Variants in NCAM2 observed in about 807,000 individuals in gnomAD.
The protein encoded by NCAM2 is N-CAM-2.
In NCAM2, 30 loss-of-function variants were observed where a neutral mutation model predicts 98.1. That is an observed-to-expected ratio of 0.31 (90% CI 0.23 to 0.41). The LOEUF (loss-of-function observed/expected upper bound fraction) is 0.41. Among genes scored for constraint, NCAM2 ranks in the 10% least tolerant of loss-of-function variants. The probability of loss-of-function intolerance (pLI) is 1.00; values close to 1 mark genes in which losing one functional copy is unlikely to be tolerated. For missense variants in NCAM2, 867 were observed against 1,005.8 expected (o/e 0.86, Z 1.87); for synonymous variants, 368 against 342.4 (o/e 1.07, Z -0.83).
intron 1 of NCAM2, among the ~76,000 whole-genome samples, chr21:21,269,035 T>C (rs1362944074): frequency 6.6e-6 from 1 of 152,190 alleles, no homozygotes; most frequent in Non-Finnish European, 1.5e-5. Flanking sequence ...GATTCTGAGA[T>C]GCCTGAAATA....
chr21:21,292,323 A>C (rs1461539125), intron 5 of NCAM2, 82 bp downstream of exon 5: 5 of 1,368,162 alleles, frequency 3.7e-6, no homozygotes, highest in Non-Finnish European at 5.0e-6. Context: ...GTGAACTCAA[A>C]ATACAAGTCT....
At chr21:21,463,375 G>C (rs1379587320) in intron 12 of NCAM2, among the ~76,000 whole-genome samples, 1 of 152,042 alleles carries the variant, frequency 6.6e-6, no homozygotes, top group Non-Finnish European at 1.5e-5. Context: ...CTCATAATAA[G>C]AGTTATTGTA....
chr21:21,392,086 A>T (rs1196442969), intron 9 of NCAM2, among the ~76,000 whole-genome samples: 1 of 152,010 alleles, frequency 6.6e-6, no homozygotes, highest in Non-Finnish European at 1.5e-5. Context: ...ATTTTTCCTG[A>T]TCCTCTCCAC....
chr21:21,184,682 T>G (rs1198769309), intron 1 of NCAM2, among the ~76,000 whole-genome samples: 10 of 152,266 alleles, frequency 6.6e-5, no homozygotes. Context: ...TAACAGTGTC[T>G]CTATGTCACA....
chr21:21,081,818 A>T (rs1490218744), intron 1 of NCAM2, among the ~76,000 whole-genome samples: 1 of 151,462 alleles, frequency 6.6e-6, no homozygotes, highest in East Asian at 1.9e-4. Context: ...AAGAAAAAAA[A>T]AGAAAAAAAA....
chr21:21,423,196 A>G (rs1284607884), intron 11 of NCAM2, among the ~76,000 whole-genome samples: 1 of 152,032 alleles, frequency 6.6e-6, no homozygotes, highest in Admixed American at 6.6e-5. Flanking sequence ...CTCTTGGGCA[A>G]TTTTATGGGA....
At chr21:21,415,525 CAG>C (rs2076976220) in intron 10 of NCAM2, among the ~76,000 whole-genome samples, 3 of 151,616 alleles carry the variant, frequency 2.0e-5, no homozygotes, top group Admixed American at 2.0e-4. Flanking sequence ...TTAGTAGAGA[CAG>C]GGTTTCACCG....
intron 5 of NCAM2, among the ~76,000 whole-genome samples, chr21:21,302,531 T>C (rs1412444942): frequency 6.6e-6 from 1 of 152,094 alleles, no homozygotes; most frequent in African/African-American, 2.4e-5. Context: ...ATCAGATAGA[T>C]GCAAATCAAA....
intron 12 of NCAM2, among the ~76,000 whole-genome samples, chr21:21,452,961 ATATTATATAT>A (rs1216152907): frequency 0.01 from 416 of 39,816 alleles, 6 homozygotes; most frequent in African/African-American, 0.031. Flanking sequence ...TATATATTAT[ATATTATATAT>A]TATTATATAT....
intron 15 of NCAM2, among the ~76,000 whole-genome samples, chr21:21,505,323 A>C (rs1987915316): frequency 6.6e-6 from 1 of 152,098 alleles, no homozygotes; most frequent in Admixed American, 6.6e-5. Context: ...GTGATCACAC[A>C]GTGAGAAGGA....
At position 21,066,475 on chromosome 21, in the gene NCAM2, T is replaced by C. The variant is rs1327636208; in HGVS notation, c.55+67857T>C. ...CATTTAATTCAAACCGTAATTGTTTTACTGTTGCTTCTGCTATTGTTATTG... is the reference window on the plus strand; with the variant it reads ...CATTTAATTCAAACCGTAATTGTTTCACTGTTGCTTCTGCTATTGTTATTG... On this transcript the variant is annotated intron_variant, in intron 1 of 17. Coordinates refer to ENST00000400546, the MANE Select transcript of NCAM2 (RefSeq NM_004540.5). Among the ~76,000 whole-genome samples, 3 of 152,136 alleles carry C rather than the reference T, an allele frequency of 2.0e-5. No individual in the cohort carries two copies. In the East Asian group the frequency reaches 5.8e-4, roughly 29 times the overall value.
At chr21:21,244,789 G>A (rs1286226868) in intron 1 of NCAM2, among the ~76,000 whole-genome samples, 1 of 145,142 alleles carries the variant, frequency 6.9e-6, no homozygotes, top group African/African-American at 2.5e-5. Flanking sequence ...GGAGGTTGCA[G>A]TGAGCCGAGA....
chr21:21,080,057 C>G (rs2065759329), intron 1 of NCAM2, among the ~76,000 whole-genome samples: 1 of 151,454 alleles, frequency 6.6e-6, no homozygotes, highest in African/African-American at 2.4e-5. Flanking sequence ...GGGTAGATCT[C>G]AAGTGTTCTT....
chr21:21,465,661 A>G (rs1347483334), intron 12 of NCAM2, among the ~76,000 whole-genome samples: 1 of 152,060 alleles, frequency 6.6e-6, no homozygotes, highest in African/African-American at 2.4e-5. Context: ...GATAATCTTA[A>G]TTACCTATGA....
At chr21:21,512,775 C>G (rs1027581719) in intron 16 of NCAM2, among the ~76,000 whole-genome samples, 1 of 151,884 alleles carries the variant, frequency 6.6e-6, no homozygotes, top group South Asian at 2.1e-4. Context: ...AATGTTTTAT[C>G]GTTTTCATTG....
chr21:21,269,986 C>T (rs761265554), intron 1 of NCAM2, among the ~76,000 whole-genome samples: 1 of 152,110 alleles, frequency 6.6e-6, no homozygotes, highest in Non-Finnish European at 1.5e-5. Flanking sequence ...TTTATGCTAA[C>T]CTTAGTCTGG....
chr21:21,303,218 G>GAA (rs113495025), intron 5 of NCAM2, among the ~76,000 whole-genome samples: 48 of 145,208 alleles, frequency 3.3e-4, no homozygotes, highest in South Asian at 1.9e-3. Context: ...ATCTAAAGTT[G>GAA]AAAAAAAAAA....
chr21:21,346,754 A>T (rs1306342150), intron 8 of NCAM2, among the ~76,000 whole-genome samples: 1 of 152,106 alleles, frequency 6.6e-6, no homozygotes, highest in Non-Finnish European at 1.5e-5. Context: ...ATGGAAATTA[A>T]AGAATATGCT....
At chr21:21,387,193 C>G (rs1602184456) in intron 9 of NCAM2, among the ~76,000 whole-genome samples, 1 of 82,064 alleles carries the variant, frequency 1.2e-5, no homozygotes, top group South Asian at 3.6e-4. Context: ...CACATACACA[C>G]ACACACACAC....
Sources: allele counts gnomAD v4.1 joint callset (sites outside exome capture counted in the v4.1 genomes callset), GRCh38; gene constraint gnomAD v4.1.1; transcripts MANE v1.5; gene names NCBI Gene and HGNC (gene_info 2026-07-23, HGNC 2026-07-21).